Variants in CDKAL1 observed in about 807,000 individuals in gnomAD.
CDKAL1 encodes the protein CDKAL1 threonylcarbamoyladenosine tRNA methylthiotransferase, also known as threonylcarbamoyladenosine tRNA methylthiotransferase.
Under a neutral mutation model 68.2 loss-of-function variants are expected in CDKAL1, and 32 were observed. The ratio of observed to expected loss-of-function variants is 0.47; its 90% CI spans 0.35 to 0.63. The LOEUF (loss-of-function observed/expected upper bound fraction) is 0.63. Among genes scored for constraint, CDKAL1 ranks in the 30% least tolerant of loss-of-function variants. The pLI, the probability that CDKAL1 is intolerant of heterozygous loss-of-function variation, is 0.00. For missense variants in CDKAL1, 606 were observed against 696.7 expected (o/e 0.87, Z 1.47); for synonymous variants, 234 against 244.3 (o/e 0.96, Z 0.39).
chr6:21,231,321 C>CTGTT lies in CDKAL1; in HGVS notation c.*288_*291dup, dbSNP rs1263884727. 3.8e-6 allele frequency: 1 copy of CTGTT among 265,020 alleles called. No individual in the cohort carries two copies. Among genetic ancestry groups the CTGTT allele is most frequent in the Non-Finnish European group, 7.0e-6 (1 of 143,208 alleles). The allele number at this position is 265,020 out of a possible 1,614,324, so 16.4% of individuals were successfully genotyped here. A position where few individuals can be genotyped will look rare whatever the true frequency, so the allele number is the denominator to read the frequency against. ...GAAATGCAAGCGGTTGCATTTTTTT[C>CTGTT]TGTTTGTTTCAATCTCTAATCTTTA... On this transcript the variant is annotated 3_prime_UTR_variant, in exon 16 of 16. Transcript: ENST00000274695.
At chr6:21,092,735 A>G (rs1364099167) in intron 12 of CDKAL1, among the ~76,000 whole-genome samples, 2 of 80,692 alleles carry the variant, frequency 2.5e-5, no homozygotes, top group African/African-American at 4.1e-5. Context: ...ACGAAAACTT[A>G]AAAAAAAAAA....
chr6:20,796,125 A>G (rs1045694127), intron 8 of CDKAL1, among the ~76,000 whole-genome samples: 5 of 152,226 alleles, frequency 3.3e-5, no homozygotes, highest in African/African-American at 1.2e-4. Context: ...CAAGGAGTCC[A>G]TAATAAAACT....
At chr6:21,160,636 G>GAC (rs70993208) in intron 13 of CDKAL1, among the ~76,000 whole-genome samples, 18,394 of 122,962 alleles carry the variant, frequency 0.15, 1,612 homozygotes, top group Admixed American at 0.25. Context: ...TTTGGACACA[G>GAC]ACACACACAC....
intron 9 of CDKAL1, among the ~76,000 whole-genome samples, chr6:20,930,990 G>A (rs1227296136): frequency 3.3e-5 from 5 of 151,902 alleles, no homozygotes; most frequent in Admixed American, 6.6e-5. Flanking sequence ...TGATCCGCCC[G>A]CCTCGGCCTC....
chr6:20,925,494 TAAGAG>T (rs1174488897), intron 9 of CDKAL1, among the ~76,000 whole-genome samples: 2 of 152,214 alleles, frequency 1.3e-5, no homozygotes, highest in Admixed American at 1.3e-4. Context: ...TATACTGTTA[TAAGAG>T]TAGAGAAATA....
chr6:21,071,985 C>T (rs1157008338), intron 12 of CDKAL1, among the ~76,000 whole-genome samples: 4 of 152,194 alleles, frequency 2.6e-5, no homozygotes, highest in South Asian at 4.1e-4. Context: ...ACCAATGTTA[C>T]ATCACTGAAG....
At chr6:20,984,348 T>C (rs1766326279) in intron 10 of CDKAL1, among the ~76,000 whole-genome samples, 1 of 152,072 alleles carries the variant, frequency 6.6e-6, no homozygotes, top group Admixed American at 6.5e-5. Flanking sequence ...GTGCAGGAGC[T>C]GGGGCAAGTG....
chr6:20,784,645 G>A (rs1459775731), intron 8 of CDKAL1, among the ~76,000 whole-genome samples: 2 of 151,098 alleles, frequency 1.3e-5, no homozygotes, highest in South Asian at 2.1e-4. Context: ...GGCTGGTCTC[G>A]AACTCCTGAC....
At chr6:21,049,268 C>T (rs576191998) in intron 11 of CDKAL1, among the ~76,000 whole-genome samples, 133 of 152,266 alleles carry the variant, frequency 8.7e-4, no homozygotes, top group African/African-American at 3.1e-3. Context: ...AAATGGAATT[C>T]AGACATTTGC....
chr6:20,944,696 A>G (rs983494474), intron 9 of CDKAL1, among the ~76,000 whole-genome samples: 27 of 152,216 alleles, frequency 1.8e-4, no homozygotes, highest in African/African-American at 6.5e-4. Flanking sequence ...AACAGTTTGT[A>G]CTGGATATTA....
intron 10 of CDKAL1, among the ~76,000 whole-genome samples, chr6:20,973,794 A>G (rs1765709337): frequency 6.6e-6 from 1 of 151,904 alleles, no homozygotes. Context: ...TAGGAAAGTC[A>G]TGGTCTCCCT....
intron 4 of CDKAL1, among the ~76,000 whole-genome samples, chr6:20,623,992 G>T (rs569100325): frequency 6.6e-6 from 1 of 152,068 alleles, no homozygotes; most frequent in Admixed American, 6.5e-5. Context: ...TGATAGCTAT[G>T]GTTATATTTT....
chr6:20,729,362 T>C (rs189479828), intron 5 of CDKAL1, among the ~76,000 whole-genome samples: 3 of 152,322 alleles, frequency 2.0e-5, no homozygotes, highest in Admixed American at 6.5e-5. Flanking sequence ...GTTTCTTCTT[T>C]TTTTTCTTAA....
chr6:20,858,886 G>A lies in CDKAL1; in HGVS notation c.742+12708G>A, dbSNP rs56220545. ...AAAAAAGGAGAAATTATGCCAAAAT[G>A]TTACTTTTCTTGGGGACAAAGAGTA... On this transcript the variant is annotated intron_variant, in intron 9 of 15. Coordinates refer to ENST00000274695, the MANE Select transcript of CDKAL1 (RefSeq NM_017774.3). 7.8e-3 allele frequency among the ~76,000 whole-genome samples: 1,193 copies of A among 152,120 alleles called. 12 individuals carry two copies. The highest frequency in any genetic ancestry group is 0.011 in the Non-Finnish European group (722 of 67,974).
chr6:20,629,843 C>T (rs750632890), intron 4 of CDKAL1, among the ~76,000 whole-genome samples: 9 of 151,832 alleles, frequency 5.9e-5, no homozygotes, highest in Non-Finnish European at 1.3e-4. Flanking sequence ...ATGCTCTTAC[C>T]CTGCTCATAC....
intron 11 of CDKAL1, among the ~76,000 whole-genome samples, chr6:21,052,631 C>G (rs1770606891): frequency 6.6e-6 from 1 of 151,304 alleles, no homozygotes; most frequent in Non-Finnish European, 1.5e-5. Context: ...CCTTGGCCTC[C>G]GAAAGTGCTG....
intron 15 of CDKAL1, among the ~76,000 whole-genome samples, chr6:21,204,046 T>C (rs1778801063): frequency 6.6e-6 from 1 of 152,200 alleles, no homozygotes; most frequent in South Asian, 2.1e-4. Context: ...TATCTTGTGC[T>C]CACATGCAGC....
At chr6:20,695,781 T>C (rs1562032577) in intron 5 of CDKAL1, among the ~76,000 whole-genome samples, 2 of 152,182 alleles carry the variant, frequency 1.3e-5, no homozygotes, top group South Asian at 2.1e-4. Flanking sequence ...AAATTTAACA[T>C]TTTATCCATT....
At chr6:20,959,399 A>T (rs1458970543) in intron 10 of CDKAL1, among the ~76,000 whole-genome samples, 1 of 152,176 alleles carries the variant, frequency 6.6e-6, no homozygotes, top group Admixed American at 6.5e-5. Flanking sequence ...AATAGATAAA[A>T]CAATAAACAT....
Sources: gnomAD v4.1 joint callset for allele counts (sites outside exome capture counted in the v4.1 genomes callset) on GRCh38, gnomAD v4.1.1 for gene constraint, MANE v1.5 for transcripts, NCBI Gene and HGNC (gene_info 2026-07-23, HGNC 2026-07-21) for gene names.